The following ATG7 variants were observed in gnomAD, a reference collection of about 807,000 sequenced individuals.
ATG7 encodes ubiquitin-like modifier-activating enzyme ATG7.
In ATG7, 70 loss-of-function variants were observed where a neutral mutation model predicts 82.4. The ratio of observed to expected loss-of-function variants is 0.85; its 90% confidence interval spans 0.70 to 1.04. ATG7 has a LOEUF of 1.04. Ranked by LOEUF, ATG7 falls within the 50% of genes least tolerant of loss-of-function variation. ATG7 has a pLI of 0.00. For missense variants in ATG7, 792 were observed against 864.3 expected (o/e 0.92, Z 1.05); for synonymous variants, 287 against 313.0 (o/e 0.92, Z 0.88).
intron 20 of ATG7, among the ~76,000 whole-genome samples, chr3:11,496,515 T>A (rs976971092): frequency 6.6e-6 from 1 of 152,230 alleles, no homozygotes; most frequent in Non-Finnish European, 1.5e-5. Context: ...TGAGGGCTGC[T>A]GAGGCTGGGA....
At chr3:11,411,863 G>A (rs1324116180) in intron 19 of ATG7, among the ~76,000 whole-genome samples, 1 of 151,928 alleles carries the variant, frequency 6.6e-6, no homozygotes, top group Non-Finnish European at 1.5e-5. Context: ...TTCCATTTAG[G>A]TCTTTGATCT....
Position 11,515,767 on chromosome 3 carries a change from C to T in ATG7, c.2080-39044C>T, listed in dbSNP as rs189497338. On this transcript the variant is annotated intron_variant, in intron 20 of 20. Coordinates refer to ENST00000693202, the MANE Select transcript of ATG7 (RefSeq NM_001349232.2). ...TTAAAATATTTTAAGTAAGATGGAC[C>T]CTTTTCCTCAAAGAGTGTAGGTACA... Among the ~76,000 whole-genome samples, 18 of 152,048 alleles carry T rather than the reference C, an allele frequency of 1.2e-4. No homozygotes were observed. In the East Asian group the frequency reaches 3.3e-3, roughly 28 times the overall value.
At chr3:11,466,931 A>T (rs2086881671) in intron 20 of ATG7, among the ~76,000 whole-genome samples, 1 of 152,148 alleles carries the variant, frequency 6.6e-6, no homozygotes, top group African/African-American at 2.4e-5. Flanking sequence ...GGAGTTTGAG[A>T]TCAGCCTGAC....
At chr3:11,538,159 T>C (rs2070481547) in intron 20 of ATG7, among the ~76,000 whole-genome samples, 1 of 152,136 alleles carries the variant, frequency 6.6e-6, no homozygotes, top group South Asian at 2.1e-4. Flanking sequence ...TAGAGGCAAG[T>C]GGTCAGAGAG....
At chr3:11,479,673 TAAG>T (rs1033654826) in intron 20 of ATG7, among the ~76,000 whole-genome samples, 1 of 152,088 alleles carries the variant, frequency 6.6e-6, no homozygotes, top group Non-Finnish European at 1.5e-5. Context: ...TAAATAAAAA[TAAG>T]AATAAAATAA....
the ATG7 span, among the ~76,000 whole-genome samples, chr3:11,565,608 G>A: frequency 2.6e-5 from 4 of 152,218 alleles, no homozygotes; most frequent in Non-Finnish European, 4.4e-5. The surrounding 1 kb of genome is among the most constrained non-coding windows in gnomAD (Gnocchi z 4.1). Flanking sequence ...GTGGTGGCAC[G>A]TGCTCTGGGG....
intron 20 of ATG7, among the ~76,000 whole-genome samples, chr3:11,540,273 C>T (rs1160361411): frequency 6.6e-6 from 1 of 152,134 alleles, no homozygotes; most frequent in Admixed American, 6.5e-5. Context: ...CTCATTATGG[C>T]TTTTATTGTA....
At chr3:11,415,511 A>G (rs1056636781) in intron 19 of ATG7, among the ~76,000 whole-genome samples, 1 of 152,140 alleles carries the variant, frequency 6.6e-6, no homozygotes, top group South Asian at 2.1e-4. Context: ...ATACAAAAAC[A>G]TTTTTTCTTT....
At chr3:11,495,630 A>G (rs866223930) in intron 20 of ATG7, among the ~76,000 whole-genome samples, 10 of 150,698 alleles carry the variant, frequency 6.6e-5, no homozygotes, top group Non-Finnish European at 1.3e-4. Context: ...TGATCCACCT[A>G]TGGCCGTATT....
chr3:11,414,392 T>A (rs898857893), intron 19 of ATG7, among the ~76,000 whole-genome samples: 3 of 152,202 alleles, frequency 2.0e-5, no homozygotes, highest in Admixed American at 6.5e-5. Context: ...CTATGTATCC[T>A]GCACCCTATG....
intron 20 of ATG7, chr3:11,477,014 T>C: frequency 9.5e-7 from 1 of 1,047,370 alleles, no homozygotes; most frequent in Non-Finnish European, 1.3e-6. Context: ...TGTTTTCCGA[T>C]GGCAGTCATT....
At chr3:11,328,443 G>A (rs1951176968) in intron 9 of ATG7, among the ~76,000 whole-genome samples, 1 of 152,064 alleles carries the variant, frequency 6.6e-6, no homozygotes, top group South Asian at 2.1e-4. Context: ...CCATATCTAT[G>A]AACCTGTTTG....
At chr3:11,573,300 A>AAGGAAGG in the ATG7 span, among the ~76,000 whole-genome samples, 2 of 9,546 alleles carry the variant, frequency 2.1e-4, no homozygotes, top group Admixed American at 2.6e-3. Context: ...AGAAAGAAAG[A>AAGGAAGG]AAGAAAGGAA....
chr3:11,566,640 C>G, the ATG7 span, among the ~76,000 whole-genome samples: 1 of 151,970 alleles, frequency 6.6e-6, no homozygotes, highest in Non-Finnish European at 1.5e-5. Flanking sequence ...CGGCCACTCT[C>G]TGCCTCTGTG....
rs540823905 is a variant in ATG7, at chr3:11,306,782, T to C, written c.216-161T>C. Among the ~76,000 whole-genome samples the C allele has an allele frequency of 2.0e-5, 3 of 152,294 alleles. No homozygotes were observed. The Middle Eastern group carries it at 0.01, about 518-fold the overall frequency. The stretch of plus-strand genomic sequence containing the variant: ...GGGAATGGTGCCTGTTTTTTAGTTC[T>C]TGAGTTATGATATTCATCTTTTTCC... On this transcript the variant is annotated intron_variant, in intron 5 of 20. Coordinates refer to ENST00000693202, the MANE Select transcript of ATG7 (RefSeq NM_001349232.2).
chr3:11,538,609 A>C (rs1412187406), intron 20 of ATG7, among the ~76,000 whole-genome samples: 1 of 142,972 alleles, frequency 7.0e-6, no homozygotes, highest in Non-Finnish European at 1.5e-5. Context: ...TTGGGAGGCC[A>C]AGGCAGGCAG....
chr3:11,561,608 A>T (rs2073011396), downstream of ATG7, among the ~76,000 whole-genome samples: 1 of 152,066 alleles, frequency 6.6e-6, no homozygotes, highest in Non-Finnish European at 1.5e-5. Flanking sequence ...GGACTCGTCC[A>T]CCTAGAACGG....
chr3:11,427,856 C>G (rs975400782), intron 20 of ATG7, among the ~76,000 whole-genome samples: 3 of 151,930 alleles, frequency 2.0e-5, no homozygotes, highest in Admixed American at 6.6e-5. Flanking sequence ...CAAATGCTCG[C>G]TGTTCTTAGA....
At chr3:11,570,206 AT>A in the ATG7 span, among the ~76,000 whole-genome samples, 1 of 152,008 alleles carries the variant, frequency 6.6e-6, no homozygotes, top group African/African-American at 2.4e-5. Flanking sequence ...GCCCTGTGGC[AT>A]CAGCCGCTCA....
Sources: allele counts gnomAD v4.1 joint callset (sites outside exome capture counted in the v4.1 genomes callset), GRCh38; gene constraint gnomAD v4.1.1; non-coding constraint Gnocchi (gnomAD v3.1); transcripts MANE v1.5; gene names NCBI Gene and HGNC (gene_info 2026-07-23, HGNC 2026-07-21).